TTN: variants seen among roughly 807,000 people sequenced by gnomAD.
TTN encodes titin, also known as connectin.
In TTN, 1,525 loss-of-function variants were observed where a neutral mutation model predicts 3,223.0. The observed-to-expected ratio is 0.47, with a 90% CI of 0.45 to 0.49. TTN has a LOEUF of 0.49. TTN is among the 20% of genes least tolerant of loss of function. The pLI is 0.00. For synonymous variants in TTN, 14,094 were observed against 15,161.0 expected (o/e 0.93, Z 5.17); for missense variants, 40,786 against 43,424.0 (o/e 0.94, Z 5.40).
Position 178,602,127 on chromosome 2 carries a change from T to C in TTN, c.55144A>G (p.Ile18382Val), listed in dbSNP as rs1233345100. ...CAAACCAGACAGTCCTGTGCTCCAA[T>C]GTCAATGAAAACTTCTGGTTCCTCT... is the stretch of plus-strand genomic sequence containing the variant. The part of the protein sequence containing the change: ...IQEEPEVFID[I>V]GAQDCLVCKA... The change falls in exon 284 of 363, where the codon ATT (isoleucine) becomes GTT (valine). Residue 18382 changes from isoleucine to valine, a missense_variant. Ile to Val is a conservative substitution (Grantham distance 29, BLOSUM62 3). Coordinates refer to ENST00000589042, the MANE Select transcript of TTN (RefSeq NM_001267550.2). The C allele has an allele frequency of 3.1e-6, 5 of 1,606,908 alleles. No individual in the cohort carries two copies. Among genetic ancestry groups the C allele is most frequent in the East Asian group, 4.5e-5 (2 of 44,604 alleles).
chr2:178,701,381 A>G, intron 110 of TTN, 147 bp downstream of exon 110: 2 of 1,013,492 alleles, frequency 2.0e-6, no homozygotes, highest in Non-Finnish European at 1.4e-6. Context: ...TTTTTACTTT[A>G]ATTTCTAATT....
Position 178,784,081 on chromosome 2 carries a change from G to A in TTN, c.2764C>T (p.Arg922Cys), listed in dbSNP as rs72647862. The A allele has an allele frequency of 2.2e-4, 349 of 1,613,244 alleles. No homozygotes were observed. The African/African-American group carries it at 4.0e-3, about 18-fold the overall frequency. The change falls in exon 16 of 363, where the codon CGC becomes TGC. Residue 922 changes from arginine to cysteine, a missense_variant. Coordinates refer to ENST00000589042, the MANE Select transcript of TTN (RefSeq NM_001267550.2). Reference sequence around the variant, plus strand: ...AACCAGTGACCAACCTTGGCTTCGCGTCCGTGCAGTACTTCAAAGCGCTCT... The same window carrying A: ...AACCAGTGACCAACCTTGGCTTCGCATCCGTGCAGTACTTCAAAGCGCTCT... ...REERFEVLHG[R>C]EAKVTETARV...
rs1461168322 is a variant in TTN at position 178,664,895 on chromosome 2, G to A, written c.36075C>T (p.Ala12025=). The change falls in exon 166 of 363, where the codon GCC becomes GCT. Residue 12025 remains alanine (A), a synonymous_variant. Transcript: ENST00000589042. ...TPEAPQEIIP[A]KTVPSKKREP... is the part of the protein sequence containing the mutation. The stretch of plus-strand genomic sequence containing the variant: ...CTCTTTTTTTGGAAGGAACTGTCTT[G>A]GCAGGAATAATTTCTTGAGGAGCTT... The A allele has an allele frequency of 6.2e-7, 1 of 1,610,638 alleles. No individual in the cohort carries two copies.
chr2:178,543,228 A>G lies in TTN; in HGVS notation c.96745T>C (p.Trp32249Arg), dbSNP rs370515456. 3.1e-6 allele frequency: 5 copies of G among 1,613,704 alleles called. No individual in the cohort carries two copies. Among genetic ancestry groups the G allele is most frequent in the Non-Finnish European group, 4.2e-6 (5 of 1,179,742 alleles). Residue 32249 changes from tryptophan (W) to arginine (R), a missense_variant, in exon 347 of 363, where the codon TGG becomes CGG. Physicochemically the swap from Trp to Arg is moderately radical, Grantham distance 101. Coordinates refer to ENST00000589042, the MANE Select transcript of TTN (RefSeq NM_001267550.2). ...GGTTTTAAGGTGACAACCTTCATCC[A>G]TCTCTCTGTGCCAGCTTTGCAGGCC... ...LEACKAGTER[W>R]MKVVTLKPTV... is the part of the protein sequence containing the mutation.
rs1299204820 is a variant in TTN, at chr2:178,564,942, C to T, written c.81190G>A (p.Val27064Ile). ...TCTTTAAATGGATATTGTACAATAA[C>T]TGCCTTAGAATCCAGTGGGGCACTT... is the stretch of plus-strand genomic sequence containing the variant. Reference protein sequence around the residue: ...GKSAPLDSKAVIVQYPFKEPG... With the variant: ...GKSAPLDSKAIIVQYPFKEPG... The change falls in exon 326 of 363, where the codon GTT becomes ATT. Residue 27064 changes from valine (V) to isoleucine (I), a missense_variant. By Grantham distance (29) the Val-to-Ile change is conservative. Coordinates refer to ENST00000589042, the MANE Select transcript of TTN (RefSeq NM_001267550.2). 1 of 1,612,382 alleles carries T rather than the reference C, an allele frequency of 6.2e-7. No individual in the cohort carries two copies. The highest frequency in any genetic ancestry group is 8.5e-7 in the Non-Finnish European group (1 of 1,179,232).
In TTN at chr2:178,548,268, G is replaced by A. The variant is rs1698000478; in HGVS notation, c.93358C>T (p.Leu31120Phe). The change falls in exon 339 of 363, where the codon CTT becomes TTT. Residue 31120 changes from leucine (L) to phenylalanine (F), a missense_variant. Physicochemically the swap from Leu to Phe is conservative, Grantham distance 22 (BLOSUM62 0). Transcript: ENST00000589042. This position sits in a 1 kb window ranked among gnomAD's most constrained non-coding sequence, Gnocchi z 4.3. ...GATTTGCTAGTATCAACAACATCAA[G>A]TCTCCTAGGTGGAGCAGGCTGTTCT... ...ATEQPAPPRR[L>F]DVVDTSKSSA... 1.9e-6 allele frequency: 3 copies of A among 1,613,842 alleles called. No individual in the cohort carries two copies. The highest frequency in any genetic ancestry group is 1.7e-4 in the Middle Eastern group (1 of 6,060).
rs1255328557 is a variant in TTN, at chr2:178,704,605, T to C, written c.29867A>G (p.His9956Arg). ...TTGACAGTTTTTGACTCTGAGTGTA[T>C]GTCGGTCACCATCAATGCTTATTTC... The part of the protein sequence containing the change: ...KFEISIDGDR[H>R]TLRVKNCQLK... Residue 9956 changes from histidine to arginine, a missense_variant, in exon 105 of 363, where the codon CAT becomes CGT. Transcript: ENST00000589042. The C allele has an allele frequency of 3.1e-6, 5 of 1,613,012 alleles. No homozygotes were observed. In the East Asian group the frequency reaches 6.7e-5, roughly 22 times the overall value.
chr2:178,605,271 A>G lies in TTN; in HGVS notation c.53906T>C (p.Leu17969Pro), dbSNP rs780364455. 1 of 1,594,002 alleles carries G rather than the reference A, an allele frequency of 6.3e-7. No homozygotes were observed. The highest frequency in any genetic ancestry group is 1.1e-5 in the South Asian group (1 of 87,976). Residue 17969 changes from leucine (L) to proline (P), a missense_variant, in exon 280 of 363, where the codon CTG (leucine) becomes CCG (proline). Physicochemically the swap from Leu to Pro is moderately conservative, Grantham distance 98. Transcript: ENST00000589042. ...DEVPPTIKLR[L>P]SVRGDTIKVK... The stretch of plus-strand genomic sequence containing the variant: ...TTTGATAGTGTCTCCTCGAACACTC[A>G]GACGCAACTTAATAGTTGGAGGCAC...
rs1701738144 is a variant in TTN at position 178,556,930 on chromosome 2, G to A, written c.88224C>T (p.Phe29408=). The change falls in exon 330 of 363, where the codon TTC becomes TTT. Residue 29408 remains phenylalanine (F), a synonymous_variant. Coordinates refer to ENST00000589042, the MANE Select transcript of TTN (RefSeq NM_001267550.2). ...SGLTQNSQYE[F]RVFARNAVGS... is the part of the protein sequence containing the mutation. ...CAACAGCATTCCTAGCAAAGACACG[G>A]AATTCATACTGGGAATTCTGAGTCA... 1.2e-6 allele frequency: 2 copies of A among 1,613,866 alleles called. No homozygotes were observed. The highest frequency in any genetic ancestry group is 2.7e-5 in the African/African-American group (2 of 75,056).
At chr2:178,802,051 G>GC (rs1346767531) in intron 3 of TTN, 87 bp downstream of exon 3, 6 of 1,512,316 alleles carry the variant, frequency 4.0e-6, no homozygotes, top group Middle Eastern at 2.2e-4. Flanking sequence ...ATCTACCTCT[G>GC]CCCATAGCTT....
At position 178,689,291 on chromosome 2, in the gene TTN, T is replaced by C. The variant is rs777207317; in HGVS notation, c.32010A>G (p.Lys10670=). 3 of 1,611,206 alleles carry C rather than the reference T, an allele frequency of 1.9e-6. No individual in the cohort carries two copies. The highest frequency in any genetic ancestry group is 1.7e-6 in the Non-Finnish European group (2 of 1,179,276). ...RKEEEVPPPP[K]VPALPKKPVP... ...CTTGGGAAGATGGAGAAACAATACCTTTTGGTGGTGGTGGAACTTCTTCCT... is the reference window on the plus strand; with the variant it reads ...CTTGGGAAGATGGAGAAACAATACCCTTTGGTGGTGGTGGAACTTCTTCCT... The change falls in exon 124 of 363, where the codon AAA becomes AAG. Residue 10670 remains lysine, a splice_region_variant and synonymous_variant. Coordinates refer to ENST00000589042, the MANE Select transcript of TTN (RefSeq NM_001267550.2).
At position 178,609,300 on chromosome 2, in the gene TTN, C is replaced by A. The variant is rs775700218; in HGVS notation, c.52010G>T (p.Arg17337Leu). ...ACCATGGTCAGGTCGGAGAGAATCTCGGACGCGTAGCTGAGATTCTCCCTT... is the reference window on the plus strand; with the variant it reads ...ACCATGGTCAGGTCGGAGAGAATCTAGGACGCGTAGCTGAGATTCTCCCTT... ...SKKGESQLRV[R>L]DSLRPDHGLY... The change falls in exon 273 of 363, where the codon CGA becomes CTA. Residue 17337 changes from arginine to leucine, a missense_variant. Transcript: ENST00000589042. 1.9e-6 allele frequency: 3 copies of A among 1,601,314 alleles called. No homozygotes were observed. The South Asian group carries it at 3.4e-5, about 18-fold the overall frequency.
rs1177838501 is a variant in TTN at position 178,568,658 on chromosome 2, G to C, written c.77474C>G (p.Pro25825Arg). The change falls in exon 326 of 363, where the codon CCT becomes CGT. Residue 25825 changes from proline (P) to arginine (R), a missense_variant. Physicochemically the swap from Pro to Arg is moderately radical, Grantham distance 103 (BLOSUM62 -2). Transcript: ENST00000589042. The part of the protein sequence containing the change: ...LKIEVPISGR[P>R]KPTITWTKDG... ...TTTAGTCCAGGTAATGGTTGGCTTAGGACGTCCAGAAATTGGCACTTCTAT... is the reference window on the plus strand; with the variant it reads ...TTTAGTCCAGGTAATGGTTGGCTTACGACGTCCAGAAATTGGCACTTCTAT... 1.2e-6 allele frequency: 2 copies of C among 1,613,256 alleles called. No individual in the cohort carries two copies. The highest frequency in any genetic ancestry group is 1.7e-6 in the Non-Finnish European group (2 of 1,179,580).
chr2:178,799,272 G>T, intron 6 of TTN: 1 of 669,740 alleles, frequency 1.5e-6, no homozygotes. Flanking sequence ...TGAGACCCTA[G>T]TAGGCAGACA....
In TTN at chr2:178,531,973, C is replaced by G; in HGVS notation, c.104642G>C (p.Arg34881Thr). The change falls in exon 358 of 363, where the codon AGA becomes ACA. Residue 34881 changes from arginine (R) to threonine (T), a missense_variant. Arg to Thr is a moderately conservative substitution (Grantham distance 71). Coordinates refer to ENST00000589042, the MANE Select transcript of TTN (RefSeq NM_001267550.2). ...AGGGCTGGGGGATCGTGGGCGAGTT[C>G]TCTCTGGAGTAGGTGACCTTCTTTC... ...DTERRSPTPE[R>T]TRPRSPSPVS... The G allele has an allele frequency of 1.9e-6, 3 of 1,613,732 alleles. No individual in the cohort carries two copies. Among genetic ancestry groups the G allele is most frequent in the Non-Finnish European group, 2.5e-6 (3 of 1,179,814 alleles).
intron 147 of TTN, 62 bp downstream of exon 147, chr2:178,677,139 C>T: frequency 9.1e-7 from 1 of 1,096,662 alleles, no homozygotes; most frequent in Non-Finnish European, 1.1e-6. Context: ...AACCCAGTTT[C>T]ATCATAATTT....
Position 178,714,981 on chromosome 2 carries a change from C to T in TTN, c.26200+5G>A, listed in dbSNP as rs727503645. ...GTGAGCAGAAGTGAATGCAGTCCAT[C>T]TAACCTTTGAGAGCGATGGAACCAA... On this transcript the variant is annotated splice_donor_5th_base_variant and intron_variant, in intron 90 of 362. Coordinates refer to ENST00000589042, the MANE Select transcript of TTN (RefSeq NM_001267550.2). 6.2e-6 allele frequency: 10 copies of T among 1,601,544 alleles called. No homozygotes were observed. The highest frequency in any genetic ancestry group is 2.7e-5 in the African/African-American group (2 of 74,726).
Position 178,593,777 on chromosome 2 carries a change from C to T in TTN, c.58523G>A (p.Gly19508Glu). The change falls in exon 298 of 363, where the codon GGA (glycine) becomes GAA (glutamate). Residue 19508 changes from glycine (G) to glutamate (E), a missense_variant. Transcript: ENST00000589042. ...AATATAATTGGTGATTTTACTGCCTCCATCATCTAAAGGAGGCTTCCAAGA... is the reference window on the plus strand; with the variant it reads ...AATATAATTGGTGATTTTACTGCCTTCATCATCTAAAGGAGGCTTCCAAGA... ...VISWKPPLDD[G>E]GSKITNYIIE... 2 of 1,613,156 alleles carry T rather than the reference C, an allele frequency of 1.2e-6. No homozygotes were observed. Among genetic ancestry groups the T allele is most frequent in the Non-Finnish European group, 1.7e-6 (2 of 1,179,592 alleles).
intron 57 of TTN, 39 bp from the exon 58 acceptor site, chr2:178,732,010 G>T (rs72648941): frequency 2.5e-5 from 40 of 1,589,056 alleles, no homozygotes; most frequent in Non-Finnish European, 3.1e-5. Flanking sequence ...AAGGGAGGAG[G>T]GGTCTGTGCC....
Sources: gnomAD v4.1 joint callset for allele counts on GRCh38, gnomAD v4.1.1 for gene constraint, Gnocchi (gnomAD v3.1) non-coding constraint, MANE v1.5 for transcripts, NCBI Gene and HGNC (gene_info 2026-07-23, HGNC 2026-07-21) for gene names.